CENPO: variants seen among roughly 807,000 people sequenced by gnomAD.
CENPO encodes centromere protein O.
In CENPO, 30 loss-of-function variants were observed where a neutral mutation model predicts 36.1. The ratio of observed to expected loss-of-function variants is 0.83; its 90% CI spans 0.62 to 1.13. The LOEUF is 1.13. Among genes scored for constraint, CENPO ranks in the 50% most tolerant of loss-of-function variants. The probability of loss-of-function intolerance (pLI) is 0.00; values close to 1 mark genes in which losing one functional copy is unlikely to be tolerated. For missense variants in CENPO, 349 were observed against 357.8 expected, an observed-to-expected ratio of 0.98 and a Z score of 0.20; for synonymous variants, 171 against 142.3, an observed-to-expected ratio of 1.20 and a Z score of -1.44.
At chr2:24,814,620 TCACACACACA>T (rs10618594) in intron 4 of CENPO, 127 bp downstream of exon 4, 132 of 545,952 alleles carry the variant, frequency 2.4e-4, no homozygotes, top group Middle Eastern at 1.5e-3. Context: ...CCCTCATCAC[TCACACACACA>T]CACACACACA....
At chr2:24,811,851 C>A (rs896715761) in intron 3 of CENPO, among the ~76,000 whole-genome samples, 15 of 152,174 alleles carry the variant, frequency 9.9e-5, no homozygotes, top group African/African-American at 3.1e-4. Context: ...CCGCTTTGGC[C>A]TCCCAAAGTG....
rs1667795527 is a variant in CENPO at position 24,821,945 on chromosome 2, G to A, written c.*2627G>A. 3.1e-6 allele frequency: 1 copy of A among 324,616 alleles called. No individual in the cohort carries two copies. Among genetic ancestry groups the A allele is most frequent in the African/African-American group, 2.1e-5 (1 of 47,132 alleles). The allele number at this position is 324,616 out of a possible 1,614,324, so 20.1% of individuals were successfully genotyped here. On this transcript the variant is annotated 3_prime_UTR_variant, in exon 8 of 8. Coordinates refer to ENST00000380834, the MANE Select transcript of CENPO (RefSeq NM_001322101.2). ...CCTGGTCCTTAGGTTTTGTCAGGTT[G>A]TCCTTGTTTGGATCCCTCAACTAGG...
At position 24,813,033 on chromosome 2, in the gene CENPO, G is replaced by A. The variant is rs573291917; in HGVS notation, c.217-1343G>A. ...GGCCAAGGCGGGTGGATCATCTAAC[G>A]TCAGGAGTTCAAGACCAGCCTGGCC... On this transcript the variant is annotated intron_variant, in intron 3 of 7. Transcript: ENST00000380834. 2.5e-4 allele frequency among the ~76,000 whole-genome samples: 38 copies of A among 151,596 alleles called. No homozygotes were observed. The South Asian group carries it at 2.7e-3, about 11-fold the overall frequency.
At chr2:24,800,157 C>T (rs1037714320) in intron 3 of CENPO, among the ~76,000 whole-genome samples, 5 of 152,060 alleles carry the variant, frequency 3.3e-5, no homozygotes, top group East Asian at 3.9e-4. Context: ...TGGAGGCAGG[C>T]GCCTATAATC....
At position 24,819,883 on chromosome 2, in the gene CENPO, A is replaced by G. The variant is rs756539164; in HGVS notation, c.*565A>G. On this transcript the variant is annotated 3_prime_UTR_variant, in exon 8 of 8. Coordinates refer to ENST00000380834, the MANE Select transcript of CENPO (RefSeq NM_001322101.2). ...AAGGTCGGGACTTCCTTCAGTTTCA[A>G]AAAATAAATTCTCCCTTCCGGTTTG... is the stretch of plus-strand genomic sequence containing the variant. 7 of 1,588,932 alleles carry G rather than the reference A, an allele frequency of 4.4e-6. No individual in the cohort carries two copies. In the Admixed American group the frequency reaches 5.3e-5, roughly 12 times the overall value.
At chr2:24,813,267 A>C (rs1222907032) in intron 3 of CENPO, among the ~76,000 whole-genome samples, 1 of 151,956 alleles carries the variant, frequency 6.6e-6, no homozygotes, top group Non-Finnish European at 1.5e-5. Flanking sequence ...AAGAAGGAAA[A>C]ATATATGGGT....
rs747598558 is a variant in CENPO, at chr2:24,793,426, G to C, written c.-144G>C. The C allele has an allele frequency of 1.2e-6, 2 of 1,606,410 alleles. No individual in the cohort carries two copies. Among genetic ancestry groups the C allele is most frequent in the South Asian group, 2.2e-5 (2 of 90,700 alleles). On this transcript the variant is annotated 5_prime_UTR_variant, in exon 1 of 8. Coordinates refer to ENST00000380834, the MANE Select transcript of CENPO (RefSeq NM_001322101.2). ...AGCGCCGCCATGCTTTTGTACGGCA[G>C]GATCGCAAAGCACGCCGGGACCGGT... is the stretch of plus-strand genomic sequence containing the variant.
intron 3 of CENPO, among the ~76,000 whole-genome samples, chr2:24,806,992 C>T (rs1399633373): frequency 1.3e-5 from 2 of 152,148 alleles, no homozygotes; most frequent in Non-Finnish European, 2.9e-5. Flanking sequence ...GTTGGTGCAT[C>T]TTCTAGTATT....
In CENPO at chr2:24,815,702, C is replaced by G. The variant is rs2148289601; in HGVS notation, c.540C>G (p.Leu180=). The G allele has an allele frequency of 1.2e-6, 2 of 1,614,180 alleles. No individual in the cohort carries two copies. The highest frequency in any genetic ancestry group is 1.7e-6 in the Non-Finnish European group (2 of 1,179,990). Residue 180 remains leucine (L), a synonymous_variant, in exon 5 of 8, where the codon CTC becomes CTG. Coordinates refer to ENST00000380834, the MANE Select transcript of CENPO (RefSeq NM_001322101.2). ...QTNIQHFLFS[L]CEYLNAYSGR... ...ACATCCAGCACTTCCTGTTCAGTCTCTGCGAGTACCTGAATGCTTACTCTG... is the reference window on the plus strand; with the variant it reads ...ACATCCAGCACTTCCTGTTCAGTCTGTGCGAGTACCTGAATGCTTACTCTG...
chr2:24,816,243 A>G (rs905988452), intron 5 of CENPO: 11 of 191,224 alleles, frequency 5.8e-5, no homozygotes, highest in South Asian at 2.8e-4. Flanking sequence ...AATTAATGCA[A>G]ATAGGCTGTA....
chr2:24,805,487 G>A (rs552586175), intron 3 of CENPO, among the ~76,000 whole-genome samples: 3 of 152,262 alleles, frequency 2.0e-5, no homozygotes, highest in African/African-American at 4.8e-5. Context: ...TGATAGTGAC[G>A]TACAGATGGG....
chr2:24,808,844 A>G (rs1400328135), intron 3 of CENPO, among the ~76,000 whole-genome samples: 1 of 151,176 alleles, frequency 6.6e-6, no homozygotes, highest in Admixed American at 6.6e-5. Flanking sequence ...TTTTGGCATC[A>G]AGTTTTATGT....
At chr2:24,801,754 G>A (rs893118744) in intron 3 of CENPO, among the ~76,000 whole-genome samples, 2 of 152,194 alleles carry the variant, frequency 1.3e-5, no homozygotes, top group Non-Finnish European at 2.9e-5. Flanking sequence ...TTGAAGTCAG[G>A]TAGGGTGATG....
chr2:24,821,005 A>C lies in CENPO; in HGVS notation c.*1687A>C. ...TGTATGCTATTGGAGGGTGGAAATC[A>C]CATCTCCTGTTTATCCGTGTGCTTG... On this transcript the variant is annotated 3_prime_UTR_variant, in exon 8 of 8. Transcript: ENST00000380834. 1 of 1,054,750 alleles carries C rather than the reference A, an allele frequency of 9.5e-7. No homozygotes were observed. Among genetic ancestry groups the C allele is most frequent in the Non-Finnish European group, 1.3e-6 (1 of 745,332 alleles). The allele number at this position is 1,054,750 out of a possible 1,614,324, so 65.3% of individuals were successfully genotyped here. A position where few individuals can be genotyped will look rare whatever the true frequency, so the allele number is the denominator to read the frequency against.
intron 2 of CENPO, among the ~76,000 whole-genome samples, chr2:24,796,023 A>G (rs1665883541): frequency 6.6e-6 from 1 of 152,166 alleles, no homozygotes; most frequent in Non-Finnish European, 1.5e-5. Context: ...TGTAATCTCC[A>G]AGAGTGTCAT....
rs759227850 is a variant in CENPO, at chr2:24,815,693, G to T, written c.531G>T (p.Leu177=). ...KYLQTNIQHF[L]FSLCEYLNAY... ...TACAGACCAACATCCAGCACTTCCT[G>T]TTCAGTCTCTGCGAGTACCTGAATG... The change falls in exon 5 of 8, where the codon CTG becomes CTT. Residue 177 remains leucine (L), a synonymous_variant. Transcript: ENST00000380834. 4.3e-6 allele frequency: 7 copies of T among 1,613,906 alleles called. No homozygotes were observed. Among genetic ancestry groups the T allele is most frequent in the Admixed American group, 3.3e-5 (2 of 60,002 alleles).
At position 24,820,162 on chromosome 2, in the gene CENPO, GAC is replaced by G; in HGVS notation, c.*845_*846del. 9.9e-7 allele frequency: 1 copy of G among 1,007,250 alleles called. No homozygotes were observed. Among genetic ancestry groups the G allele is most frequent in the Non-Finnish European group, 1.4e-6 (1 of 709,564 alleles). 62.4% of individuals were successfully genotyped at this position (1,007,250 alleles called of 1,614,324 possible). A position where few individuals can be genotyped will look rare whatever the true frequency, so the allele number is the denominator to read the frequency against. On this transcript the variant is annotated 3_prime_UTR_variant, in exon 8 of 8. Transcript: ENST00000380834. ...AACGTGGCGTTACGGGGGGAGCCTA[GAC>G]TGAGGGCGGGTGGGGGCTTTGGGTG...
At chr2:24,795,768 A>G (rs1028839985) in intron 2 of CENPO, among the ~76,000 whole-genome samples, 2 of 152,196 alleles carry the variant, frequency 1.3e-5, no homozygotes, top group Non-Finnish European at 2.9e-5. Flanking sequence ...CTGGTTGGAC[A>G]TTAATTTTTG....
At position 24,819,837 on chromosome 2, in the gene CENPO, G is replaced by C; in HGVS notation, c.*519G>C. 1.5e-6 allele frequency: 2 copies of C among 1,327,230 alleles called. No individual in the cohort carries two copies. The highest frequency in any genetic ancestry group is 2.8e-5 in the South Asian group (2 of 71,496). The allele number at this position is 1,327,230 out of a possible 1,614,324, so 82.2% of individuals were successfully genotyped here. ...GGAGGTTTCTAAACCTAAAGTCCAT[G>C]AGTGTGCACTTCAATCCAGGAAGGT... On this transcript the variant is annotated 3_prime_UTR_variant, in exon 8 of 8. Coordinates refer to ENST00000380834, the MANE Select transcript of CENPO (RefSeq NM_001322101.2).
Sources: gnomAD v4.1 joint callset for allele counts (sites outside exome capture counted in the v4.1 genomes callset) on GRCh38, gnomAD v4.1.1 for gene constraint, MANE v1.5 for transcripts, NCBI Gene and HGNC (gene_info 2026-07-23, HGNC 2026-07-21) for gene names.